The following LRRTM4 variants were observed in gnomAD, a reference collection of about 807,000 sequenced individuals.
The protein encoded by LRRTM4 is leucine-rich repeat transmembrane neuronal protein 4.
In LRRTM4, 25 loss-of-function variants were observed where a neutral mutation model predicts 47.6. The ratio of observed to expected loss-of-function variants is 0.53; its 90% CI spans 0.38 to 0.73. LRRTM4 has a LOEUF of 0.73. Ranked by LOEUF, LRRTM4 falls within the 30% of genes least tolerant of loss-of-function variation. The pLI is 0.00. For missense variants in LRRTM4, 638 were observed against 713.4 expected, an observed-to-expected ratio of 0.89 and a Z score of 1.20; for synonymous variants, 311 against 269.5, an observed-to-expected ratio of 1.15 and a Z score of -1.51.
intron 3 of LRRTM4, among the ~76,000 whole-genome samples, chr2:77,225,202 G>A (rs1367329536): frequency 5.2e-5 from 7 of 135,260 alleles, no homozygotes; most frequent in African/African-American, 1.4e-4. Context: ...ATCACACACC[G>A]GGGACTGTTG....
intron 3 of LRRTM4, among the ~76,000 whole-genome samples, chr2:77,220,682 C>G (rs1401511728): frequency 6.6e-6 from 1 of 152,106 alleles, no homozygotes; most frequent in South Asian, 2.1e-4. Flanking sequence ...ATCAACAAAG[C>G]CTCCAAGAAA....
At chr2:76,852,292 C>G (rs1672021459) in intron 3 of LRRTM4, among the ~76,000 whole-genome samples, 1 of 152,178 alleles carries the variant, frequency 6.6e-6, no homozygotes, top group African/African-American at 2.4e-5. Context: ...TCAGCTTACA[C>G]TCCCACCAAA....
chr2:77,282,449 C>T (rs535153975), intron 3 of LRRTM4, among the ~76,000 whole-genome samples: 116 of 150,786 alleles, frequency 7.7e-4, no homozygotes, highest in African/African-American at 2.6e-3. Context: ...TTTTTCTTTT[C>T]CCTGATTGCT....
intron 3 of LRRTM4, among the ~76,000 whole-genome samples, chr2:76,758,961 T>A (rs903276610): frequency 3.9e-5 from 6 of 152,152 alleles, no homozygotes; most frequent in African/African-American, 1.4e-4. Flanking sequence ...CATGACTGTT[T>A]CCATAAAACT....
At chr2:77,433,429 C>T (rs140670486) in intron 3 of LRRTM4, among the ~76,000 whole-genome samples, 2 of 152,212 alleles carry the variant, frequency 1.3e-5, no homozygotes, top group Admixed American at 6.5e-5. Context: ...AAAATCAAAA[C>T]GGATTGCCAA....
chr2:77,133,952 A>C (rs986783261), intron 3 of LRRTM4, among the ~76,000 whole-genome samples: 4 of 152,176 alleles, frequency 2.6e-5, no homozygotes, highest in African/African-American at 9.6e-5. Context: ...AAATTTTAAA[A>C]GTTAGTTCTG....
rs189083583 is a variant in LRRTM4 at position 77,028,676 on chromosome 2, A to G, written c.1552-279760T>C. On this transcript the variant is annotated intron_variant, in intron 3 of 3. Transcript: ENST00000409884. ...AAAAAGAAGGCAGACAGAAATAAAC[A>G]CAATAAAAATAGGATGATGATATAA... Among the ~76,000 whole-genome samples, 384 of 152,166 alleles carry G rather than the reference A, an allele frequency of 2.5e-3. 1 individual carries two copies. Among genetic ancestry groups the G allele is most frequent in the African/African-American group, 8.6e-3 (357 of 41,538 alleles).
intron 3 of LRRTM4, among the ~76,000 whole-genome samples, chr2:77,370,394 G>T (rs1672616222): frequency 6.6e-6 from 1 of 151,728 alleles, no homozygotes; most frequent in African/African-American, 2.4e-5. Flanking sequence ...CCCTAGCAAT[G>T]CTTTCTAAAA....
intron 3 of LRRTM4, among the ~76,000 whole-genome samples, chr2:77,506,646 TAAA>T (rs1338740763): frequency 6.6e-6 from 1 of 151,876 alleles, no homozygotes; most frequent in Non-Finnish European, 1.5e-5. Flanking sequence ...ATAAAAAACA[TAAA>T]AAGTTATATA....
chr2:76,966,216 G>A (rs1425535703), intron 3 of LRRTM4, among the ~76,000 whole-genome samples: 1 of 151,310 alleles, frequency 6.6e-6, no homozygotes, highest in East Asian at 2.0e-4. Context: ...AAAAGTGAAA[G>A]AGGAAGAAAA....
intron 3 of LRRTM4, among the ~76,000 whole-genome samples, chr2:76,922,886 G>A (rs543478080): frequency 1.1e-4 from 16 of 152,024 alleles, no homozygotes; most frequent in South Asian, 8.3e-4. Flanking sequence ...TCTCCTAGAC[G>A]GAGAAAATTG....
chr2:76,795,502 G>C (rs183486783), intron 3 of LRRTM4, among the ~76,000 whole-genome samples: 1 of 152,088 alleles, frequency 6.6e-6, no homozygotes, highest in East Asian at 1.9e-4. Flanking sequence ...AATCTGGTGA[G>C]TATTTAAAAT....
At chr2:77,242,598 A>G (rs1675299662) in intron 3 of LRRTM4, among the ~76,000 whole-genome samples, 1 of 152,204 alleles carries the variant, frequency 6.6e-6, no homozygotes, top group Admixed American at 6.5e-5. Context: ...AATATAAATC[A>G]AAACCACAAT....
intron 3 of LRRTM4, among the ~76,000 whole-genome samples, chr2:77,441,392 C>T (rs1042146034): frequency 3.9e-5 from 6 of 152,140 alleles, no homozygotes; most frequent in African/African-American, 1.4e-4. Context: ...TTCCAGGTGT[C>T]GTGCCAAGCA....
intron 3 of LRRTM4, among the ~76,000 whole-genome samples, chr2:77,001,174 C>T (rs1677413371): frequency 6.6e-6 from 1 of 152,170 alleles, no homozygotes; most frequent in Admixed American, 6.6e-5. Flanking sequence ...GTCATCTCAG[C>T]AGCTGCTGCA....
rs570546053 is a variant in LRRTM4 at position 77,352,348 on chromosome 2, A to G, written c.1551+165970T>C. On this transcript the variant is annotated intron_variant, in intron 3 of 3. Transcript: ENST00000409884. The stretch of plus-strand genomic sequence containing the variant: ...TGTTAGTTTCCTACATTTGACTGCA[A>G]TGAAGAGTAAATTCAAGCTCTCTCT... 2.7e-4 allele frequency among the ~76,000 whole-genome samples: 41 copies of G among 152,310 alleles called. 1 individual carries two copies. The highest frequency in any genetic ancestry group is 8.9e-4 in the African/African-American group (37 of 41,582).
At chr2:77,521,090 C>T (rs1298814058) in intron 2 of LRRTM4, among the ~76,000 whole-genome samples, 1 of 151,712 alleles carries the variant, frequency 6.6e-6, no homozygotes, top group Non-Finnish European at 1.5e-5. Context: ...GTCCTCTTGC[C>T]AGCTACAGAC....
chr2:77,448,960 G>A (rs1334507140), intron 3 of LRRTM4, among the ~76,000 whole-genome samples: 1 of 152,102 alleles, frequency 6.6e-6, no homozygotes, highest in East Asian at 1.9e-4. Context: ...TTTGAAATTT[G>A]ATTATCTTGA....
intron 3 of LRRTM4, among the ~76,000 whole-genome samples, chr2:77,356,768 G>A (rs2104306343): frequency 6.6e-6 from 1 of 152,232 alleles, no homozygotes; most frequent in Admixed American, 6.5e-5. Flanking sequence ...AAACACCAGG[G>A]CCAATTAGTA....
Sources: gnomAD v4.1 joint callset for allele counts (sites outside exome capture counted in the v4.1 genomes callset) on GRCh38, gnomAD v4.1.1 for gene constraint, MANE v1.5 for transcripts, NCBI Gene and HGNC (gene_info 2026-07-23, HGNC 2026-07-21) for gene names.